Variants in PABPC4L observed in about 807,000 individuals in gnomAD.
PABPC4L encodes poly(A) binding protein cytoplasmic 4 like.
For synonymous variants in PABPC4L, 169 were observed against 164.1 expected, an observed-to-expected ratio of 1.03 and a Z score of -0.23; for missense variants, 452 against 451.4, an observed-to-expected ratio of 1.00 and a Z score of -0.01.
At chr4:134,064,009 T>C in the PABPC4L span, among the ~76,000 whole-genome samples, 1 of 152,096 alleles carries the variant, frequency 6.6e-6, no homozygotes, top group Non-Finnish European at 1.5e-5. Context: ...GTGGCAATTA[T>C]TGATTTGAAT....
the PABPC4L span, among the ~76,000 whole-genome samples, chr4:134,073,225 G>C: frequency 1.3e-5 from 2 of 152,190 alleles, no homozygotes; most frequent in Non-Finnish European, 2.9e-5. Flanking sequence ...ATACATGGGA[G>C]TACAGGCATT....
chr4:134,049,127 C>G, the PABPC4L span, among the ~76,000 whole-genome samples: 1 of 151,962 alleles, frequency 6.6e-6, no homozygotes, highest in African/African-American at 2.4e-5. Flanking sequence ...TCTCCAATTA[C>G]CCATTTTGAC....
At chr4:134,129,373 A>C in the PABPC4L span, among the ~76,000 whole-genome samples, 2 of 152,100 alleles carry the variant, frequency 1.3e-5, no homozygotes, top group Middle Eastern at 3.2e-3. Flanking sequence ...CAGAATATAC[A>C]TTCTATTCAT....
the PABPC4L span, among the ~76,000 whole-genome samples, chr4:133,991,361 C>G: frequency 6.6e-6 from 1 of 152,264 alleles, no homozygotes. Context: ...CTTATCCCAA[C>G]TACGTATTGA....
the PABPC4L span, among the ~76,000 whole-genome samples, chr4:134,090,585 C>A: frequency 2.6e-5 from 4 of 151,774 alleles, no homozygotes; most frequent in African/African-American, 7.3e-5. Context: ...GGCAACATAG[C>A]GAGACCCCAT....
At chr4:134,041,550 G>C in the PABPC4L span, among the ~76,000 whole-genome samples, 14 of 152,098 alleles carry the variant, frequency 9.2e-5, no homozygotes, top group African/African-American at 3.4e-4. Context: ...ATGTGGGGGT[G>C]GGGGCATCAC....
At chr4:133,994,340 C>T in the PABPC4L span, among the ~76,000 whole-genome samples, 46 of 152,150 alleles carry the variant, frequency 3.0e-4, no homozygotes, top group South Asian at 1.0e-3. Flanking sequence ...AGGGTATGGG[C>T]GGAATAATAA....
At chr4:134,162,199 G>A in the PABPC4L span, among the ~76,000 whole-genome samples, 186 of 152,082 alleles carry the variant, frequency 1.2e-3, 1 homozygote, top group African/African-American at 4.2e-3. Context: ...AACCAGAAAA[G>A]GGATAACAAA....
the PABPC4L span, among the ~76,000 whole-genome samples, chr4:134,116,909 T>G: frequency 6.6e-6 from 1 of 151,790 alleles, no homozygotes; most frequent in Non-Finnish European, 1.5e-5. Flanking sequence ...TGTATGCATC[T>G]ACAATAAGAT....
the PABPC4L span, among the ~76,000 whole-genome samples, chr4:133,960,466 A>T: frequency 6.6e-6 from 1 of 152,136 alleles, no homozygotes. Flanking sequence ...CATCACAAGG[A>T]TCCTTAGGGT....
At chr4:134,050,883 T>A in the PABPC4L span, among the ~76,000 whole-genome samples, 49 of 31,242 alleles carry the variant, frequency 1.6e-3, no homozygotes, top group African/African-American at 7.7e-3. Context: ...GACCTTTATT[T>A]TTTTTTTTTT....
At chr4:134,005,355 G>C in the PABPC4L span, among the ~76,000 whole-genome samples, 1 of 151,840 alleles carries the variant, frequency 6.6e-6, no homozygotes, top group Non-Finnish European at 1.5e-5. Flanking sequence ...ATAATAATGA[G>C]TATTTTTATC....
rs1007963180 is a variant in PABPC4L, at chr4:134,198,041, A to G, written c.*1866T>C. On this transcript the variant is annotated 3_prime_UTR_variant, in exon 2 of 2. Coordinates refer to ENST00000421491, the MANE Select transcript of PABPC4L (RefSeq NM_001114734.2). ...TATGACAGAGGAAGAAGAAAAAAGG[A>G]AGAAATTATCTAGCAACAAGAAGTT... 3 of 151,826 alleles carry G rather than the reference A, an allele frequency of 2.0e-5. No homozygotes were observed. The highest frequency in any genetic ancestry group is 7.2e-5 in the African/African-American group (3 of 41,436). 9.4% of individuals were successfully genotyped at this position (151,826 alleles called of 1,614,324 possible).
chr4:134,115,382 G>A, the PABPC4L span, among the ~76,000 whole-genome samples: 7 of 151,702 alleles, frequency 4.6e-5, no homozygotes, highest in Non-Finnish European at 2.9e-5. Context: ...AGTAGAGAGA[G>A]GGGGAGAATG....
chr4:134,075,873 T>C, the PABPC4L span, among the ~76,000 whole-genome samples: 3 of 152,152 alleles, frequency 2.0e-5, no homozygotes. Flanking sequence ...TATCCATTGA[T>C]TCCAAAATAT....
the PABPC4L span, among the ~76,000 whole-genome samples, chr4:134,069,584 T>G: frequency 6.6e-6 from 1 of 152,212 alleles, no homozygotes; most frequent in African/African-American, 2.4e-5. Flanking sequence ...AGCTCTGAGA[T>G]TCTTTCCTCA....
chr4:134,078,948 G>A, the PABPC4L span, among the ~76,000 whole-genome samples: 19 of 147,282 alleles, frequency 1.3e-4, no homozygotes, highest in Non-Finnish European at 2.5e-4. Flanking sequence ...GATTACAGGC[G>A]TGAGCCACCG....
At chr4:134,126,724 A>G in the PABPC4L span, among the ~76,000 whole-genome samples, 1 of 152,078 alleles carries the variant, frequency 6.6e-6, no homozygotes, top group Non-Finnish European at 1.5e-5. Flanking sequence ...CCACATTGTG[A>G]ACTTTTATTC....
chr4:134,075,183 A>T, the PABPC4L span, among the ~76,000 whole-genome samples: 1 of 152,172 alleles, frequency 6.6e-6, no homozygotes. Flanking sequence ...AGTCCAAAGG[A>T]TTTGAAAGTG....
Sources: allele counts gnomAD v4.1 joint callset (sites outside exome capture counted in the v4.1 genomes callset), GRCh38; gene constraint gnomAD v4.1.1; transcripts MANE v1.5; gene names NCBI Gene and HGNC (gene_info 2026-07-23, HGNC 2026-07-21).